EGFL7: variants seen among roughly 807,000 people sequenced by gnomAD.
EGFL7 encodes epidermal growth factor-like protein 7.
A neutral mutation model predicts 37.1 loss-of-function variants in EGFL7; 48 were observed. The observed-to-expected ratio is 1.29, with a 90% CI of 1.03 to 1.65. EGFL7 has a LOEUF of 1.65. EGFL7 is among the 40% of genes most tolerant of loss of function. The pLI is 0.00. For synonymous variants in EGFL7, 180 were observed against 156.8 expected (o/e 1.15, Z -1.10); for missense variants, 384 against 378.9 (o/e 1.01, Z -0.11).
At chr9:136,665,093 T>C (rs1244840283) in intron 3 of EGFL7, among the ~76,000 whole-genome samples, 1 of 152,160 alleles carries the variant, frequency 6.6e-6, no homozygotes, top group East Asian at 1.9e-4. Context: ...GTGGATTCGC[T>C]GGGAGGAGTG....
Position 136,668,252 on chromosome 9 carries a change from GAGA to G in EGFL7, c.-28_-26del, listed in dbSNP as rs753591370. ...GCTTTGTGCCCCAGGCCACCCAGAG[GAGA>G]AGGCCACCCCGCCTGGAGGCACAGG... On this transcript the variant is annotated 5_prime_UTR_variant, in exon 4 of 11. Coordinates refer to ENST00000308874, the MANE Select transcript of EGFL7 (RefSeq NM_016215.5). 3 of 1,576,276 alleles carry G rather than the reference GAGA, an allele frequency of 1.9e-6. No homozygotes were observed. Among genetic ancestry groups the G allele is most frequent in the South Asian group, 1.2e-5 (1 of 86,798 alleles).
rs1425918762 is a variant in EGFL7, at chr9:136,666,550, C to T, written c.-42-1691C>T. On this transcript the variant is annotated intron_variant, in intron 3 of 10. Transcript: ENST00000308874. This position sits in a 1 kb window ranked among gnomAD's most constrained non-coding sequence, Gnocchi z 6.8. ...GAGAGCACCACGGGCTTCCTCTGGC[C>T]TCGGGAAAACATGACTTTCAAAAAT... 6.6e-6 allele frequency among the ~76,000 whole-genome samples: 1 copy of T among 152,160 alleles called. No homozygotes were observed. Among genetic ancestry groups the T allele is most frequent in the African/African-American group, 2.4e-5 (1 of 41,444 alleles).
At chr9:136,665,730 C>CG (rs1158373005) in intron 3 of EGFL7, 12 of 15,878 alleles carry the variant, frequency 7.6e-4, no homozygotes, top group African/African-American at 2.6e-3. Flanking sequence ...GGGGCGGGGC[C>CG]GGGGGCGGGG....
chr9:136,660,851 C>T (rs1845102357), upstream of EGFL7, among the ~76,000 whole-genome samples: 1 of 152,148 alleles, frequency 6.6e-6, no homozygotes, highest in Non-Finnish European at 1.5e-5. Flanking sequence ...CAGCCCTGTC[C>T]GGCCTCCAGG....
upstream of EGFL7, among the ~76,000 whole-genome samples, chr9:136,662,082 G>T (rs190949602): frequency 3.3e-5 from 5 of 152,226 alleles, no homozygotes; most frequent in African/African-American, 1.2e-4. Context: ...GAAGATGAGG[G>T]TCAGACCTGG....
intron 3 of EGFL7, 33 bp from the exon 4 acceptor site, chr9:136,668,208 G>A (rs1378027399): frequency 5.2e-6 from 7 of 1,338,528 alleles, no homozygotes; most frequent in South Asian, 2.6e-5. Flanking sequence ...GGGCATCTGC[G>A]GGGAGACTTA....
chr9:136,669,065 A>T (rs1330931176), intron 5 of EGFL7, among the ~76,000 whole-genome samples: 1 of 151,656 alleles, frequency 6.6e-6, no homozygotes, highest in Non-Finnish European at 1.5e-5. Context: ...TCCACTGGGC[A>T]CCCCCCTCCA....
intron 8 of EGFL7, 39 bp from the exon 9 acceptor site, chr9:136,670,911 G>C (rs1845812761): frequency 1.3e-6 from 2 of 1,542,498 alleles, no homozygotes; most frequent in Non-Finnish European, 1.8e-6. Flanking sequence ...TGGGTGGGGA[G>C]CCGGCCGGCC....
At chr9:136,667,645 C>G (rs1218918923) in intron 3 of EGFL7, among the ~76,000 whole-genome samples, 5 of 152,198 alleles carry the variant, frequency 3.3e-5, no homozygotes, top group Non-Finnish European at 7.4e-5. Context: ...TGGGAAGGAC[C>G]CCCTCTAAAA....
intron 5 of EGFL7, among the ~76,000 whole-genome samples, chr9:136,668,953 C>A (rs1025104403): frequency 6.6e-6 from 1 of 152,178 alleles, no homozygotes; most frequent in African/African-American, 2.4e-5. Context: ...CCCATCCTGT[C>A]TGCACCCCTC....
chr9:136,670,471 G>A, intron 8 of EGFL7, 141 bp downstream of exon 8: 1 of 1,121,520 alleles, frequency 8.9e-7, no homozygotes, highest in Admixed American at 2.2e-5. Flanking sequence ...AGGATGGGGA[G>A]GGAGGATAGG....
At chr9:136,662,365 C>T (rs143084454), upstream of EGFL7, among the ~76,000 whole-genome samples, 2,074 of 152,298 alleles carry the variant, frequency 0.014, 51 homozygotes, top group African/African-American at 0.047. Flanking sequence ...AGGCTGTTCT[C>T]GGACCGCTCA....
In EGFL7 at chr9:136,666,117, C is replaced by T. The variant is rs934246541; in HGVS notation, c.-43+1332C>T. Among the ~76,000 whole-genome samples the T allele has an allele frequency of 2.0e-5, 3 of 147,864 alleles. No individual in the cohort carries two copies. Among genetic ancestry groups the T allele is most frequent in the African/African-American group, 7.3e-5 (3 of 41,044 alleles). On this transcript the variant is annotated intron_variant, in intron 3 of 10. Transcript: ENST00000308874. This position sits in a 1 kb window ranked among gnomAD's most constrained non-coding sequence, Gnocchi z 6.8. ...GAGGGCCGGGGTCGCCGCGGCCCCTCGTCCGACCCGGCGCGACTCAGCGCC... is the reference window on the plus strand; with the variant it reads ...GAGGGCCGGGGTCGCCGCGGCCCCTTGTCCGACCCGGCGCGACTCAGCGCC...
upstream of EGFL7, among the ~76,000 whole-genome samples, chr9:136,661,039 G>C (rs1180609405): frequency 2.0e-5 from 3 of 152,180 alleles, no homozygotes; most frequent in African/African-American, 7.2e-5. Flanking sequence ...CAGAGGGCAA[G>C]AGGGCACCTC....
At chr9:136,670,089 T>C (rs1308576335) in intron 7 of EGFL7, 80 bp downstream of exon 7, 2 of 1,604,158 alleles carry the variant, frequency 1.2e-6, no homozygotes, top group African/African-American at 1.3e-5. Flanking sequence ...TGCTGGCCCA[T>C]GAGTGGGTGG....
At chr9:136,667,694 C>T (rs898285978) in intron 3 of EGFL7, among the ~76,000 whole-genome samples, 1 of 152,204 alleles carries the variant, frequency 6.6e-6, no homozygotes, top group African/African-American at 2.4e-5. Context: ...ATGTGTGCAC[C>T]CTCCGCACGG....
In EGFL7 at chr9:136,669,700, C is replaced by T. The variant is rs776043662; in HGVS notation, c.292C>T (p.Leu98Phe). The stretch of plus-strand genomic sequence containing the variant: ...CCCCGGCTGGAAGAGGACCAGCGGG[C>T]TTCCTGGGGCCTGTGGAGCAGGTGA... ...CCPGWKRTSG[L>F]PGACGAAICQ... Residue 98 changes from leucine to phenylalanine, a missense_variant, in exon 6 of 11, where the codon CTT becomes TTT. Transcript: ENST00000308874. 6.3e-7 allele frequency: 1 copy of T among 1,599,938 alleles called. No homozygotes were observed.
intron 3 of EGFL7, among the ~76,000 whole-genome samples, chr9:136,667,801 T>C (rs1470387449): frequency 6.6e-6 from 1 of 152,186 alleles, no homozygotes; most frequent in Admixed American, 6.5e-5. Flanking sequence ...GGCAGGTCCC[T>C]GGTGGGGCTG....
chr9:136,670,824 C>A, intron 8 of EGFL7, 126 bp from the exon 9 acceptor site: 4 of 917,458 alleles, frequency 4.4e-6, no homozygotes, highest in Admixed American at 2.2e-5. Flanking sequence ...GCCAGGCAGG[C>A]AGCGGGGGCG....
Sources: gnomAD v4.1 joint callset for allele counts (sites outside exome capture counted in the v4.1 genomes callset) on GRCh38, gnomAD v4.1.1 for gene constraint, Gnocchi (gnomAD v3.1) non-coding constraint, MANE v1.5 for transcripts, NCBI Gene and HGNC (gene_info 2026-07-23, HGNC 2026-07-21) for gene names.